The following MLLT1 variants were observed in gnomAD, a reference collection of about 807,000 sequenced individuals.
MLLT1 encodes the protein MLLT1 super elongation complex subunit.
Under a neutral mutation model 55.1 loss-of-function variants are expected in MLLT1, and 11 were observed. The ratio of observed to expected loss-of-function variants is 0.20; its 90% CI spans 0.13 to 0.33. MLLT1 has a LOEUF of 0.33. Among genes scored for constraint, MLLT1 ranks in the 10% least tolerant of loss-of-function variants. The pLI is 1.00. For missense variants in MLLT1, 536 were observed against 760.6 expected (o/e 0.70, Z 3.47); for synonymous variants, 323 against 320.1 (o/e 1.01, Z -0.10).
intron 3 of MLLT1, among the ~76,000 whole-genome samples, chr19:6,241,476 T>C (rs574370359): frequency 1.3e-4 from 16 of 125,320 alleles, no homozygotes; most frequent in East Asian, 8.0e-4. Flanking sequence ...CATGCCGAGA[T>C]AGGAAATTGG....
chr19:6,249,935 T>C (rs900360141), intron 3 of MLLT1, among the ~76,000 whole-genome samples: 2 of 152,012 alleles, frequency 1.3e-5, no homozygotes, highest in Admixed American at 6.6e-5. Context: ...GGTGGGAGGA[T>C]TGCTTGAGGG....
At position 6,235,301 on chromosome 19, in the gene MLLT1, G is replaced by A. The variant is rs1275359282; in HGVS notation, c.277-4588C>T. On this transcript the variant is annotated intron_variant, in intron 3 of 11. Coordinates refer to ENST00000252674, the MANE Select transcript of MLLT1 (RefSeq NM_005934.4). This position sits in a 1 kb window ranked among gnomAD's most constrained non-coding sequence, Gnocchi z 5.5. Reference sequence around the variant, plus strand: ...GGGGGCATCCTCGTGCAGAAAGCCTGGGGCCTGAGGGACACCAGCAGGAGC... The same window carrying A: ...GGGGGCATCCTCGTGCAGAAAGCCTAGGGCCTGAGGGACACCAGCAGGAGC... 1.3e-5 allele frequency among the ~76,000 whole-genome samples: 2 copies of A among 152,216 alleles called. No homozygotes were observed. The highest frequency in any genetic ancestry group is 2.4e-5 in the African/African-American group (1 of 41,458).
chr19:6,226,907 G>A lies in MLLT1; in HGVS notation c.546+70C>T, dbSNP rs891263653. The A allele has an allele frequency of 7.3e-6, 10 of 1,376,750 alleles. No individual in the cohort carries two copies. The highest frequency in any genetic ancestry group is 1.5e-5 in the African/African-American group (1 of 66,162). The allele number at this position is 1,376,750 out of a possible 1,614,324, so 85.3% of individuals were successfully genotyped here. A position where few individuals can be genotyped will look rare whatever the true frequency, so the allele number is the denominator to read the frequency against. ...GAAGGCCCAGCCCAGTGGAGGGAGG[G>A]CGCCGGGGCCAGACCCACCACAGCT... On this transcript the variant is annotated intron_variant, in intron 5 of 11. Coordinates refer to ENST00000252674, the MANE Select transcript of MLLT1 (RefSeq NM_005934.4). The surrounding 1 kb of genome is among the most constrained non-coding windows in gnomAD (Gnocchi z 6.3).
intron 1 of MLLT1, among the ~76,000 whole-genome samples, chr19:6,272,847 C>T (rs1017772582): frequency 1.3e-5 from 2 of 152,206 alleles, no homozygotes; most frequent in Admixed American, 6.5e-5. Context: ...AGGGTCTGTG[C>T]GCACAGCAAG....
At chr19:6,223,948 C>T (rs1224874049) in intron 5 of MLLT1, among the ~76,000 whole-genome samples, 3 of 152,178 alleles carry the variant, frequency 2.0e-5, no homozygotes, top group Non-Finnish European at 4.4e-5. Flanking sequence ...GGCACAGAAG[C>T]CAGCAGCAGC....
intron 6 of MLLT1, 65 bp from the exon 7 acceptor site, chr19:6,218,106 C>A (rs532852002): frequency 3.2e-5 from 49 of 1,530,808 alleles, no homozygotes; most frequent in Non-Finnish European, 1.1e-5. Context: ...TCAGCAGAGA[C>A]AAAGGGGGCC....
In MLLT1 at chr19:6,213,043, C is replaced by T. The variant is rs1319310334; in HGVS notation, c.1679G>A (p.Ter560=). 8 of 1,613,432 alleles carry T rather than the reference C, an allele frequency of 5.0e-6. No individual in the cohort carries two copies. Among genetic ancestry groups the T allele is most frequent in the Non-Finnish European group, 6.8e-6 (8 of 1,179,622 alleles). Residue 560 remains the stop codon, a stop_retained_variant, in exon 12 of 12, where the codon TGA becomes TAA. Transcript: ENST00000252674. The part of the protein sequence containing the change: ...LQSCLEAVAT[*] ...GGGGGCCCGGCACGCGGCCCAGGGT[C>T]ATGTGGCCACGGCCTCCAGGCAGCT...
chr19:6,223,837 G>C (rs1420873468), intron 5 of MLLT1, among the ~76,000 whole-genome samples: 1 of 152,186 alleles, frequency 6.6e-6, no homozygotes, highest in Non-Finnish European at 1.5e-5. Flanking sequence ...CTTCTCTGCT[G>C]TTAGCCACCA....
chr19:6,237,593 T>C (rs952277080), intron 3 of MLLT1, among the ~76,000 whole-genome samples: 2 of 113,066 alleles, frequency 1.8e-5, no homozygotes, highest in Non-Finnish European at 3.7e-5. Flanking sequence ...CCATCTCTAC[T>C]AAAAATACAA....
intron 6 of MLLT1, among the ~76,000 whole-genome samples, chr19:6,221,082 C>T (rs2090892754): frequency 6.6e-6 from 1 of 152,198 alleles, no homozygotes; most frequent in Admixed American, 6.5e-5. Flanking sequence ...GGGCAATGAG[C>T]GCTGCCCACA....
intron 3 of MLLT1, among the ~76,000 whole-genome samples, chr19:6,257,661 C>T (rs547537046): frequency 2.0e-5 from 3 of 151,992 alleles, no homozygotes; most frequent in East Asian, 1.9e-4. Flanking sequence ...ATTAGCTGGG[C>T]GTGGCAGCGG....
intron 1 of MLLT1, among the ~76,000 whole-genome samples, chr19:6,272,769 G>T (rs892972817): frequency 6.6e-6 from 1 of 152,214 alleles, no homozygotes. Flanking sequence ...TTTTGGAGAC[G>T]GCAGGGCCAT....
chr19:6,272,044 G>T (rs915229767), intron 1 of MLLT1, among the ~76,000 whole-genome samples: 1 of 152,158 alleles, frequency 6.6e-6, no homozygotes, highest in African/African-American at 2.4e-5. Context: ...CAGTTGTCAC[G>T]CGATGGAGCC....
chr19:6,212,625 C>T lies in MLLT1; in HGVS notation c.*417G>A. 9.0e-7 allele frequency: 1 copy of T among 1,113,958 alleles called. No homozygotes were observed. The allele number at this position is 1,113,958 out of a possible 1,614,324, so 69.0% of individuals were successfully genotyped here. On this transcript the variant is annotated 3_prime_UTR_variant, in exon 12 of 12. Transcript: ENST00000252674. ...GTCCAGGGTGGGCGGAGGGTGTGTT[C>T]TGAACCATTCGGGAGGCTGGAGATG...
intron 5 of MLLT1, among the ~76,000 whole-genome samples, chr19:6,223,301 G>A (rs55817395): frequency 6.6e-6 from 1 of 152,184 alleles, no homozygotes; most frequent in African/African-American, 2.4e-5. Context: ...CCCAGGTACC[G>A]CACGGAGCAA....
At chr19:6,213,436 C>T (rs756421487) in intron 10 of MLLT1, 28 bp from the exon 11 acceptor site, 19 of 1,560,962 alleles carry the variant, frequency 1.2e-5, no homozygotes, top group East Asian at 2.2e-5. Flanking sequence ...GTCTCAGCAG[C>T]GTGTGGGGGC....
intron 2 of MLLT1, among the ~76,000 whole-genome samples, chr19:6,266,455 TTTTG>T (rs1015429562): frequency 3.9e-5 from 6 of 152,048 alleles, no homozygotes; most frequent in Admixed American, 1.3e-4. Context: ...TATAAATTTT[TTTTG>T]TTTGTTTGTT....
chr19:6,251,615 A>G (rs924656848), intron 3 of MLLT1, among the ~76,000 whole-genome samples: 7 of 152,190 alleles, frequency 4.6e-5, no homozygotes, highest in Non-Finnish European at 7.3e-5. Context: ...TTAGATGTCA[A>G]CTTGACTGAA....
At chr19:6,264,929 GA>G (rs201284176) in intron 2 of MLLT1, among the ~76,000 whole-genome samples, 1,258 of 107,362 alleles carry the variant, frequency 0.012, 24 homozygotes, top group African/African-American at 0.039. Flanking sequence ...ATCCCAGAAA[GA>G]AAAAAAGAGA....
Sources: allele counts gnomAD v4.1 joint callset (sites outside exome capture counted in the v4.1 genomes callset), GRCh38; gene constraint gnomAD v4.1.1; non-coding constraint Gnocchi (gnomAD v3.1); transcripts MANE v1.5; gene names NCBI Gene and HGNC (gene_info 2026-07-23, HGNC 2026-07-21).